The following FANCA variants were observed in gnomAD, a reference collection of about 807,000 sequenced individuals.
FANCA encodes Fanconi anemia group A protein.
FANCA carries 236 observed loss-of-function variants against 194.3 expected under a neutral mutation model. That is an observed-to-expected ratio of 1.21 (90% CI 1.09 to 1.35). The LOEUF (loss-of-function observed/expected upper bound fraction) is 1.35, where lower values mean the gene tolerates loss of function less well. Among genes scored for constraint, FANCA ranks in the 40% most tolerant of loss-of-function variants. The pLI is 0.00. For synonymous variants in FANCA, 1,014 were observed against 715.8 expected (o/e 1.42, Z -6.65); for missense variants, 2,628 against 1,813.9 (o/e 1.45, Z -8.15).
intron 30 of FANCA, among the ~76,000 whole-genome samples, chr16:89,754,097 C>G (rs1385068945): frequency 6.6e-6 from 1 of 152,054 alleles, no homozygotes; most frequent in Non-Finnish European, 1.5e-5. Context: ...TGGCGGGTGC[C>G]TGTAATCCCA....
intron 35 of FANCA, among the ~76,000 whole-genome samples, chr16:89,746,092 T>A (rs1310990908): frequency 6.6e-6 from 1 of 152,042 alleles, no homozygotes; most frequent in Non-Finnish European, 1.5e-5. Flanking sequence ...GCTGCCCTCC[T>A]CCCACTCTCG....
intron 32 of FANCA, 40 bp from the exon 33 acceptor site, chr16:89,748,807 T>A: frequency 6.5e-7 from 1 of 1,533,294 alleles, no homozygotes; most frequent in Non-Finnish European, 9.0e-7. Flanking sequence ...CAGCACAGCG[T>A]ACACTCTGCT....
chr16:89,740,764 C>T, intron 38 of FANCA, 40 bp downstream of exon 38: 3 of 1,590,344 alleles, frequency 1.9e-6, no homozygotes, highest in South Asian at 2.2e-5. Flanking sequence ...GCCTGGCCCA[C>T]AGTGGGAGAG....
chr16:89,738,985 A>G lies in FANCA; in HGVS notation c.4168-11T>C, dbSNP rs753475025. ...TTCCACGGGGTTGCCCTAGAGAGAAAACAGGCAAACTCACAGGTTAGAAGA... is the reference window on the plus strand; with the variant it reads ...TTCCACGGGGTTGCCCTAGAGAGAAGACAGGCAAACTCACAGGTTAGAAGA... On this transcript the variant is annotated splice_polypyrimidine_tract_variant and intron_variant, in intron 41 of 42. Coordinates refer to ENST00000389301, the MANE Select transcript of FANCA (RefSeq NM_000135.4). 9.9e-6 allele frequency: 16 copies of G among 1,614,090 alleles called. No individual in the cohort carries two copies. Among genetic ancestry groups the G allele is most frequent in the Non-Finnish European group, 1.2e-5 (14 of 1,180,052 alleles).
intron 35 of FANCA, among the ~76,000 whole-genome samples, chr16:89,746,016 C>G (rs534495082): frequency 2.6e-5 from 4 of 152,266 alleles, no homozygotes; most frequent in African/African-American, 9.6e-5. Context: ...TCCCTGATGA[C>G]CGAGAAGGAA....
rs749037638 is a variant in FANCA, at chr16:89,810,753, C to T, written c.476G>A (p.Ser159Asn). 3.1e-6 allele frequency: 5 copies of T among 1,613,432 alleles called. No homozygotes were observed. Among genetic ancestry groups the T allele is most frequent in the South Asian group, 1.1e-5 (1 of 91,068 alleles). Residue 159 changes from serine (S) to asparagine (N), a missense_variant, in exon 5 of 43, where the codon AGT (serine) becomes AAT (asparagine). Coordinates refer to ENST00000389301, the MANE Select transcript of FANCA (RefSeq NM_000135.4). ...LEFAQYLLAH[S>N]MFSRLSFCQE... ...ACAGAAGGAAAGACGGGAGAACATA[C>T]TGTGTGCCAATAAATACTGAGCAAA...
chr16:89,785,014 C>T, intron 14 of FANCA, 50 bp from the exon 15 acceptor site: 2 of 1,338,208 alleles, frequency 1.5e-6, no homozygotes, highest in Non-Finnish European at 1.1e-6. Context: ...CGCGGCTGCA[C>T]CACCTAGGCA....
intron 26 of FANCA, among the ~76,000 whole-genome samples, chr16:89,768,432 G>A (rs1034504376): frequency 5.9e-5 from 9 of 152,174 alleles, no homozygotes; most frequent in African/African-American, 2.2e-4. Flanking sequence ...GAAGTGGGCA[G>A]ATCACTTGAG....
intron 5 of FANCA, 90 bp downstream of exon 5, chr16:89,810,617 A>G (rs1471014965): frequency 2.3e-6 from 2 of 875,584 alleles, no homozygotes; most frequent in East Asian, 4.8e-5. Flanking sequence ...GAGAATTCCC[A>G]AGAAAACCCA....
intron 6 of FANCA, among the ~76,000 whole-genome samples, chr16:89,807,644 G>A (rs2040708499): frequency 6.6e-6 from 1 of 152,072 alleles, no homozygotes; most frequent in African/African-American, 2.4e-5. Context: ...CAGCGCTTTG[G>A]GAGGCAGAGG....
At chr16:89,812,646 C>CAAAAAAAAAAAAAAAAAAAAAAAAAAAAA (rs71137677) in intron 3 of FANCA, among the ~76,000 whole-genome samples, 12 of 42,320 alleles carry the variant, frequency 2.8e-4, no homozygotes, top group Non-Finnish European at 5.1e-4. Context: ...TACTCCGTCT[C>CAAAAAAAAAAAAAAAAAAAAAAAAAAAAA]AAAAAAAAAA....
chr16:89,753,240 GT>G (rs1399066186), intron 30 of FANCA, among the ~76,000 whole-genome samples: 19 of 152,182 alleles, frequency 1.2e-4, no homozygotes, highest in African/African-American at 4.6e-4. Context: ...ATCATTGGAG[GT>G]GACTCACATT....
At chr16:89,792,396 G>T in intron 12 of FANCA, 75 bp downstream of exon 12, 1 of 1,465,252 alleles carries the variant, frequency 6.8e-7, no homozygotes, top group Non-Finnish European at 9.6e-7. Context: ...ACGGCAGGCA[G>T]CATGACAAGT....
At position 89,737,650 on chromosome 16, in the gene FANCA, A is replaced by G; in HGVS notation, c.*951T>C. On this transcript the variant is annotated 3_prime_UTR_variant, in exon 43 of 43. Transcript: ENST00000389301. ...TATAAAGCAGTTTAAAGATCTTAATAAACGAGGCCCTCATAGGCCCCTTGC... is the reference window on the plus strand; with the variant it reads ...TATAAAGCAGTTTAAAGATCTTAATGAACGAGGCCCTCATAGGCCCCTTGC... 1.4e-6 allele frequency: 2 copies of G among 1,417,308 alleles called. No homozygotes were observed. Among genetic ancestry groups the G allele is most frequent in the Non-Finnish European group, 1.9e-6 (2 of 1,067,896 alleles). The allele number at this position is 1,417,308 out of a possible 1,614,324, so 87.8% of individuals were successfully genotyped here. A position where few individuals can be genotyped will look rare whatever the true frequency, so the allele number is the denominator to read the frequency against.
At position 89,784,787 on chromosome 16, in the gene FANCA, G is replaced by C. The variant is rs17232623; in HGVS notation, c.1470+67C>G. The C allele has an allele frequency of 0.015, 19,137 of 1,262,232 alleles. 504 individuals carry two copies. The highest frequency in any genetic ancestry group is 0.087 in the South Asian group (7,336 of 84,066). The allele number at this position is 1,262,232 out of a possible 1,614,324, so 78.2% of individuals were successfully genotyped here. A position where few individuals can be genotyped will look rare whatever the true frequency, so the allele number is the denominator to read the frequency against. The stretch of plus-strand genomic sequence containing the variant: ...TGCAGGAGGCTCTTGGGGAGGCCAA[G>C]GCAGTCCTCAGATGCAGCAGGTGAG... On this transcript the variant is annotated intron_variant, in intron 15 of 42. Coordinates refer to ENST00000389301, the MANE Select transcript of FANCA (RefSeq NM_000135.4).
At chr16:89,805,731 G>C (rs1274009373) in intron 6 of FANCA, among the ~76,000 whole-genome samples, 2 of 151,556 alleles carry the variant, frequency 1.3e-5, no homozygotes, top group East Asian at 3.9e-4. Context: ...ACTGTGCCCA[G>C]TCTCAAGTTA....
At position 89,816,002 on chromosome 16, in the gene FANCA, G is replaced by C. The variant is rs745975676; in HGVS notation, c.80-16C>G. The C allele has an allele frequency of 4.4e-6, 7 of 1,593,890 alleles. No homozygotes were observed. Among genetic ancestry groups the C allele is most frequent in the Admixed American group, 1.7e-5 (1 of 59,960 alleles). On this transcript the variant is annotated splice_polypyrimidine_tract_variant and intron_variant, in intron 1 of 42. Coordinates refer to ENST00000389301, the MANE Select transcript of FANCA (RefSeq NM_000135.4). ...ACCCTTCCCGCTACGGAGAGAAGTC[G>C]GTTCGAAACCATCACAGCACAATTC...
chr16:89,777,670 C>T (rs1379903760), intron 20 of FANCA, among the ~76,000 whole-genome samples: 1 of 152,040 alleles, frequency 6.6e-6, no homozygotes, highest in East Asian at 1.9e-4. Context: ...CCTATTTCTT[C>T]CAAAGTTGGT....
chr16:89,764,999 C>T lies in FANCA; in HGVS notation c.2669G>A (p.Ser890Asn), dbSNP rs1055448646. ...RQPLSEEDVASLSWRPLHLPS... is the reference protein window; with the variant it reads ...RQPLSEEDVANLSWRPLHLPS... ...AAGGTGCAAGGGTCTCCAGGAAAGG[C>T]TGGCTACGTCCTCCTCAGAAAGAGG... is the stretch of plus-strand genomic sequence containing the variant. Residue 890 changes from serine (S) to asparagine (N), a missense_variant, in exon 28 of 43, where the codon AGC becomes AAC. By Grantham distance (46) the Ser-to-Asn change is conservative (BLOSUM62 1). Coordinates refer to ENST00000389301, the MANE Select transcript of FANCA (RefSeq NM_000135.4). 45 of 1,614,156 alleles carry T rather than the reference C, an allele frequency of 2.8e-5. No individual in the cohort carries two copies. The highest frequency in any genetic ancestry group is 3.6e-5 in the Non-Finnish European group (42 of 1,180,046).
Sources: gnomAD v4.1 joint callset for allele counts (sites outside exome capture counted in the v4.1 genomes callset) on GRCh38, gnomAD v4.1.1 for gene constraint, MANE v1.5 for transcripts, NCBI Gene and HGNC (gene_info 2026-07-23, HGNC 2026-07-21) for gene names.